Variants in COL2A1 observed in about 807,000 individuals in gnomAD.
COL2A1 encodes the protein collagen type II alpha 1 chain.
COL2A1 carries 28 observed loss-of-function variants against 204.5 expected under a neutral mutation model. That is an observed-to-expected ratio of 0.14 (90% CI 0.10 to 0.19). The LOEUF is 0.19. Among genes scored for constraint, COL2A1 ranks in the 10% least tolerant of loss-of-function variants. The probability of loss-of-function intolerance (pLI) is 1.00; values close to 1 mark genes in which losing one functional copy is unlikely to be tolerated. For synonymous variants in COL2A1, 708 were observed against 718.7 expected (o/e 0.99, Z 0.24); for missense variants, 1,388 against 2,027.5 (o/e 0.68, Z 6.06).
intron 26 of COL2A1, 128 bp downstream of exon 26, chr12:47,985,406 C>T: frequency 1.0e-6 from 1 of 1,000,922 alleles, no homozygotes; most frequent in Non-Finnish European, 1.6e-6. Context: ...CTACCATCTA[C>T]CCCCTGTCAC....
In COL2A1 at chr12:48,000,133, A is replaced by G. The variant is rs1168355361; in HGVS notation, c.86-8T>C. ...CACAGCTGCCAGCCTCCTCTGCACC[A>G]AGGGTGGGGAGGGAGAAGCAGAGAG... On this transcript the variant is annotated splice_polypyrimidine_tract_variant and splice_region_variant and intron_variant, in intron 1 of 53. Coordinates refer to ENST00000380518, the MANE Select transcript of COL2A1 (RefSeq NM_001844.5). 9 of 1,602,230 alleles carry G rather than the reference A, an allele frequency of 5.6e-6. No individual in the cohort carries two copies. In the East Asian group the frequency reaches 6.7e-5, roughly 12 times the overall value.
In COL2A1 at chr12:48,004,353, C is replaced by T. The variant is rs1402352578; in HGVS notation, c.-32G>A. On this transcript the variant is annotated 5_prime_UTR_variant, in exon 1 of 54. Coordinates refer to ENST00000380518, the MANE Select transcript of COL2A1 (RefSeq NM_001844.5). Reference sequence around the variant, plus strand: ...CCGCGGGGCCTGGCTGAGCCGGGCCCGGGCGGAGCGCAGCGAAACGGCAGG... The same window carrying T: ...CCGCGGGGCCTGGCTGAGCCGGGCCTGGGCGGAGCGCAGCGAAACGGCAGG... 7 of 1,410,056 alleles carry T rather than the reference C, an allele frequency of 5.0e-6. No homozygotes were observed. Among genetic ancestry groups the T allele is most frequent in the Non-Finnish European group, 6.8e-6 (7 of 1,021,994 alleles). The allele number at this position is 1,410,056 out of a possible 1,614,324, so 87.3% of individuals were successfully genotyped here.
At position 47,986,444 on chromosome 12, in the gene COL2A1, C is replaced by A; in HGVS notation, c.1420-1G>T. On this transcript the variant is annotated splice_acceptor_variant, in intron 22 of 53. Coordinates refer to ENST00000380518, the MANE Select transcript of COL2A1 (RefSeq NM_001844.5). LOFTEE classifies it high-confidence loss of function. ...GGGCTCCCTGGGGGCCAGCAGGGCC[C>A]TGAGGACCAGCAAAAAAGAGAAACA... is the stretch of plus-strand genomic sequence containing the variant. 6.5e-7 allele frequency: 1 copy of A among 1,548,438 alleles called. No homozygotes were observed.
intron 22 of COL2A1, 149 bp from the exon 23 acceptor site, chr12:47,986,592 G>A (rs994935282): frequency 1.5e-5 from 11 of 714,018 alleles, no homozygotes; most frequent in Non-Finnish European, 2.2e-5. Context: ...ACGAGCCATG[G>A]CAGGGCAGAG....
intron 11 of COL2A1, 64 bp from the exon 12 acceptor site, chr12:47,994,541 C>T: frequency 6.4e-7 from 1 of 1,568,082 alleles, no homozygotes; most frequent in Non-Finnish European, 8.7e-7. Flanking sequence ...GGGGGCACCC[C>T]AGAGGGCTTC....
intron 10 of COL2A1, 103 bp from the exon 11 acceptor site, chr12:47,995,411 G>T: frequency 9.7e-7 from 1 of 1,028,482 alleles, no homozygotes; most frequent in Non-Finnish European, 1.5e-6. Flanking sequence ...GTTCTTCTAT[G>T]AAGAAGAAAG....
intron 37 of COL2A1, 124 bp downstream of exon 37, chr12:47,981,219 G>T: frequency 1.8e-6 from 2 of 1,099,730 alleles, no homozygotes; most frequent in East Asian, 2.5e-5. Flanking sequence ...CAGCGGGTAG[G>T]GAGGGAGCCA....
In COL2A1 at chr12:47,973,464, G is replaced by A. The variant is rs750477616; in HGVS notation, c.4407C>T (p.Asp1469=). 68 of 1,614,002 alleles carry A rather than the reference G, an allele frequency of 4.2e-5. 2 individuals are homozygous for A. Among genetic ancestry groups the A allele is most frequent in the South Asian group, 3.1e-4 (28 of 91,082 alleles). ...RLPIIDIAPM[D]IGGPEQEFGV... is the part of the protein sequence containing the mutation. ...CGAATTCCTGCTCGGGCCCTCCTAT[G>A]TCCATGGGTGCAATGTCAATGATGG... The change falls in exon 54 of 54, where the codon GAC becomes GAT. Residue 1469 remains aspartate, a synonymous_variant. Coordinates refer to ENST00000380518, the MANE Select transcript of COL2A1 (RefSeq NM_001844.5).
rs774249508 is a variant in COL2A1, at chr12:47,978,265, T to G, written c.3003+26A>C. The G allele has an allele frequency of 4.3e-6, 7 of 1,611,200 alleles. No homozygotes were observed. In the Admixed American group the frequency reaches 6.7e-5, roughly 15 times the overall value. ...CTTGGCAGGCAGGGCCCAGCTTGGA[T>G]GGAGGGAGGGATACCCCACACTCAC... On this transcript the variant is annotated intron_variant, in intron 43 of 53. Transcript: ENST00000380518. The surrounding 1 kb of genome is among the most constrained non-coding windows in gnomAD (Gnocchi z 5.5).
intron 16 of COL2A1, among the ~76,000 whole-genome samples, chr12:47,992,668 T>G (rs1432724412): frequency 6.6e-6 from 1 of 152,138 alleles, no homozygotes; most frequent in Non-Finnish European, 1.5e-5. Context: ...GAATCATGCT[T>G]TCACCCATCG....
At chr12:47,986,951 C>T in intron 21 of COL2A1, 63 bp from the exon 22 acceptor site, 1 of 1,607,292 alleles carries the variant, frequency 6.2e-7, no homozygotes. Context: ...CTCCCCAGAA[C>T]CCCTGTTCAA....
chr12:47,974,717 C>T lies in COL2A1; in HGVS notation c.4032G>A (p.Lys1344=). The T allele has an allele frequency of 6.2e-7, 1 of 1,614,204 alleles. No individual in the cohort carries two copies. Among genetic ancestry groups the T allele is most frequent in the South Asian group, 1.1e-5 (1 of 91,074 alleles). ...KNWWSSKSKE[K]KHIWFGETIN... ...TGGTTTCTCCAAACCAGATGTGTTTCTTCTCCTTGCTCTTGCTGCTCCACC... is the reference window on the plus strand; with the variant it reads ...TGGTTTCTCCAAACCAGATGTGTTTTTTCTCCTTGCTCTTGCTGCTCCACC... The change falls in exon 52 of 54, where the codon AAG becomes AAA. Residue 1344 remains lysine, a synonymous_variant. Coordinates refer to ENST00000380518, the MANE Select transcript of COL2A1 (RefSeq NM_001844.5).
Position 47,987,773 on chromosome 12 carries a change from G to A in COL2A1, c.1123-64C>T. ...AGGGGACACAGACCTCTAGTGGGTG[G>A]GCAATAGCTCAGGGCCAGCTGCAAG... is the stretch of plus-strand genomic sequence containing the variant. On this transcript the variant is annotated intron_variant, in intron 18 of 53. Coordinates refer to ENST00000380518, the MANE Select transcript of COL2A1 (RefSeq NM_001844.5). This position sits in a 1 kb window ranked among gnomAD's most constrained non-coding sequence, Gnocchi z 4.1. 7.6e-7 allele frequency: 1 copy of A among 1,313,216 alleles called. No homozygotes were observed. The allele number at this position is 1,313,216 out of a possible 1,614,324, so 81.3% of individuals were successfully genotyped here.
rs183224734 is a variant in COL2A1 at position 48,000,175 on chromosome 12, G to A, written c.86-50C>T. 1.7e-3 allele frequency: 2,248 copies of A among 1,316,162 alleles called. 6 individuals are homozygous for A. Among genetic ancestry groups the A allele is most frequent in the Non-Finnish European group, 2.1e-3 (1,956 of 921,554 alleles). 81.5% of individuals were successfully genotyped at this position (1,316,162 alleles called of 1,614,324 possible). On this transcript the variant is annotated intron_variant, in intron 1 of 53. Coordinates refer to ENST00000380518, the MANE Select transcript of COL2A1 (RefSeq NM_001844.5). ...AGCAGAGAGCCAAGGGAAGGAGGGG[G>A]TGGGGAGCCAGAGAGAAAAAGAGAG... is the stretch of plus-strand genomic sequence containing the variant.
At chr12:47,989,901 GC>G in intron 16 of COL2A1, 96 bp from the exon 17 acceptor site, 1 of 1,225,078 alleles carries the variant, frequency 8.2e-7, no homozygotes, top group Non-Finnish European at 1.2e-6. Context: ...GACACACTGT[GC>G]CTGGGGTGTC....
Position 47,978,296 on chromosome 12 carries a change from G to A in COL2A1, c.2998C>T (p.Pro1000Ser). 6.2e-7 allele frequency: 1 copy of A among 1,613,920 alleles called. No individual in the cohort carries two copies. Among genetic ancestry groups the A allele is most frequent in the Non-Finnish European group, 8.5e-7 (1 of 1,179,986 alleles). Reference sequence around the variant, plus strand: ...GAGGGATACCCCACACTCACCGACGGGCCAGGCAAGCCAGGGAATCCTCTC... The same window carrying A: ...GAGGGATACCCCACACTCACCGACGAGCCAGGCAAGCCAGGGAATCCTCTC... ...GERGFPGLPG[P>S]SGEPGKQGAP... Residue 1000 changes from proline (P) to serine (S), a missense_variant, in exon 43 of 54, where the codon CCG becomes TCG. Physicochemically the swap from Pro to Ser is moderately conservative, Grantham distance 74 (BLOSUM62 -1). Coordinates refer to ENST00000380518, the MANE Select transcript of COL2A1 (RefSeq NM_001844.5). This position sits in a 1 kb window ranked among gnomAD's most constrained non-coding sequence, Gnocchi z 5.5.
At chr12:47,999,866 C>A (rs930485239) in intron 2 of COL2A1, 53 bp downstream of exon 2, 1 of 1,492,480 alleles carries the variant, frequency 6.7e-7, no homozygotes, top group Non-Finnish European at 9.3e-7. Flanking sequence ...AGCGTGTTTG[C>A]AGTGCTTGCA....
chr12:47,998,808 C>A, intron 2 of COL2A1: 1 of 237,252 alleles, frequency 4.2e-6, no homozygotes, highest in South Asian at 7.4e-5. Context: ...GAACCCCAAG[C>A]CCTCCCAGAG....
intron 50 of COL2A1, 136 bp downstream of exon 50, chr12:47,975,827 G>A (rs1805585072): frequency 2.4e-6 from 2 of 846,448 alleles, no homozygotes; most frequent in East Asian, 2.4e-5. Flanking sequence ...TGACCTCTGA[G>A]GAGACCTCAG....
Sources: gnomAD v4.1 joint callset for allele counts (sites outside exome capture counted in the v4.1 genomes callset) on GRCh38, gnomAD v4.1.1 for gene constraint, Gnocchi (gnomAD v3.1) non-coding constraint, MANE v1.5 for transcripts, NCBI Gene and HGNC (gene_info 2026-07-23, HGNC 2026-07-21) for gene names.